Variants in CMC2 observed in about 807,000 individuals in gnomAD.
CMC2 encodes COX assembly mitochondrial protein 2 homolog.
Under a neutral mutation model 7.5 loss-of-function variants are expected in CMC2, and 5 were observed. The ratio of observed to expected loss-of-function variants is 0.66; its 90% CI spans 0.35 to 1.40. CMC2 has a LOEUF of 1.40. Ranked by LOEUF, CMC2 falls within the 40% of genes most tolerant of loss-of-function variation. The pLI is 0.04. For synonymous variants in CMC2, 37 were observed against 31.4 expected (o/e 1.18, Z -0.60); for missense variants, 115 against 92.3 (o/e 1.25, Z -1.01).
In CMC2 at chr16:80,982,461, A is replaced by G. The variant is rs1022422795; in HGVS notation, c.82-584T>C. 4 of 140,542 alleles carry G rather than the reference A, an allele frequency of 2.8e-5. No individual in the cohort carries two copies. In the Admixed American group the frequency reaches 3.1e-4, roughly 11 times the overall value. The allele number at this position is 140,542 out of a possible 1,614,324, so 8.7% of individuals were successfully genotyped here. On this transcript the variant is annotated intron_variant, in intron 2 of 3. Transcript: ENST00000219400. ...GAGGCGGAGGATGTAGTGAGTCGAG[A>G]TCGCGCCCCTGCACTACTCCAGCCT...
At chr16:81,002,234 G>A (rs1321882646) in intron 1 of CMC2, among the ~76,000 whole-genome samples, 13 of 152,034 alleles carry the variant, frequency 8.6e-5, no homozygotes, top group Admixed American at 8.5e-4. Flanking sequence ...AGACCAACCT[G>A]GCCAACATGC....
rs1489866568 is a variant in CMC2 at position 80,971,982 on chromosome 16, C to A, written c.*4111G>T. ...AAACTCAGCCACCTGTCTCTGCTCT[C>A]CCCTCCCTACTGTCAGTCTTGTTCT... On this transcript the variant is annotated 3_prime_UTR_variant, in exon 4 of 4. Transcript: ENST00000219400. 6.6e-6 allele frequency: 1 copy of A among 152,302 alleles called. No homozygotes were observed. The highest frequency in any genetic ancestry group is 6.5e-5 in the Admixed American group (1 of 15,290). The allele number at this position is 152,302 out of a possible 1,614,324, so 9.4% of individuals were successfully genotyped here.
chr16:80,978,419 A>T, intron 3 of CMC2: 2 of 1,250,296 alleles, frequency 1.6e-6, no homozygotes, highest in Non-Finnish European at 2.1e-6. Context: ...ATGGTCCCTG[A>T]ATAAAAGGGG....
At chr16:81,001,341 T>C (rs1161438676) in intron 1 of CMC2, 1 of 152,156 alleles carries the variant, frequency 6.6e-6, no homozygotes, top group East Asian at 1.9e-4. Flanking sequence ...AAATCTGAAA[T>C]AAAATTTGAA....
chr16:80,985,245 T>A (rs1967430829), intron 2 of CMC2, among the ~76,000 whole-genome samples: 1 of 152,166 alleles, frequency 6.6e-6, no homozygotes, highest in Non-Finnish European at 1.5e-5. Context: ...AAAACTATCT[T>A]CTCAATAATA....
intron 2 of CMC2, among the ~76,000 whole-genome samples, chr16:80,995,006 T>A (rs1968292532): frequency 6.6e-6 from 1 of 151,826 alleles, no homozygotes; most frequent in South Asian, 2.1e-4. Flanking sequence ...ATGAGCCAGG[T>A]GTGGTGACAC....
At chr16:80,982,152 C>T (rs1471517134) in intron 2 of CMC2, among the ~76,000 whole-genome samples, 2 of 151,984 alleles carry the variant, frequency 1.3e-5, no homozygotes, top group African/African-American at 4.8e-5. Flanking sequence ...AGATGAACTA[C>T]CATAGCCTAG....
intron 2 of CMC2, among the ~76,000 whole-genome samples, chr16:80,984,695 A>G (rs1024076793): frequency 2.4e-4 from 36 of 152,214 alleles, no homozygotes; most frequent in African/African-American, 8.7e-4. Context: ...TCATGCCTTC[A>G]AGTCAAGTAG....
At chr16:80,977,594 A>G (rs1431147579) in intron 3 of CMC2, among the ~76,000 whole-genome samples, 1 of 152,186 alleles carries the variant, frequency 6.6e-6, no homozygotes, top group Non-Finnish European at 1.5e-5. Context: ...CCGCCACCCA[A>G]GAGAGAGTAA....
chr16:80,976,119 TA>T lies in CMC2; in HGVS notation c.213del (p.Phe71LeufsTer28). The T allele has an allele frequency of 6.2e-7, 1 of 1,608,608 alleles. No individual in the cohort carries two copies. The highest frequency in any genetic ancestry group is 8.5e-7 in the Non-Finnish European group (1 of 1,175,298). Reference protein sequence around the residue: ...EHGIAMRKKLFNPPEESEK With the variant: ...EHGIAMRKKLXNPPEESEK ...TATTTTTCGGATTCCTCTGGAGGAT[TA>T]AAAAGTTTCTTTCGCATTGCAATGC... On this transcript the variant is annotated frameshift_variant, in exon 4 of 4. Coordinates refer to ENST00000219400, the MANE Select transcript of CMC2 (RefSeq NM_020188.5). LOFTEE classifies it high-confidence loss of function.
chr16:80,999,727 G>C (rs903501484), intron 1 of CMC2, among the ~76,000 whole-genome samples: 4 of 152,152 alleles, frequency 2.6e-5, no homozygotes, highest in Admixed American at 6.5e-5. Flanking sequence ...TGGACCAATG[G>C]AACATAACAG....
chr16:80,977,608 G>A (rs1355732015), intron 3 of CMC2, among the ~76,000 whole-genome samples: 4 of 152,140 alleles, frequency 2.6e-5, no homozygotes, highest in Admixed American at 6.5e-5. Context: ...AGAGTAATGA[G>A]GGGATTCATG....
At chr16:80,977,450 A>G (rs951783401) in intron 3 of CMC2, among the ~76,000 whole-genome samples, 3 of 152,212 alleles carry the variant, frequency 2.0e-5, no homozygotes, top group African/African-American at 7.2e-5. Flanking sequence ...GGAAAAGGGT[A>G]AAAGTAAATT....
intron 2 of CMC2, among the ~76,000 whole-genome samples, chr16:80,984,800 A>C (rs1967397856): frequency 6.6e-6 from 1 of 152,218 alleles, no homozygotes; most frequent in South Asian, 2.1e-4. Flanking sequence ...ACAAAAACTA[A>C]TTTATATGCT....
intron 2 of CMC2, chr16:80,982,232 G>A (rs888274547): frequency 3.7e-5 from 6 of 162,420 alleles, no homozygotes; most frequent in East Asian, 3.5e-4. Flanking sequence ...GGCCGGGCAC[G>A]GTAGCTCACA....
In CMC2 at chr16:80,971,561, AT is replaced by A. The variant is rs1016959235; in HGVS notation, c.*4531del. 4.1e-4 allele frequency: 35 copies of A among 86,000 alleles called. No homozygotes were observed. In the East Asian group the frequency reaches 0.01, roughly 25 times the overall value. The allele number at this position is 86,000 out of a possible 1,614,324, so 5.3% of individuals were successfully genotyped here. The stretch of plus-strand genomic sequence containing the variant: ...TGGCTATGGATACTGACATACATAC[AT>A]TTTATATATATATATATATATATGT... On this transcript the variant is annotated 3_prime_UTR_variant, in exon 4 of 4. Coordinates refer to ENST00000219400, the MANE Select transcript of CMC2 (RefSeq NM_020188.5).
chr16:80,967,126 C>G lies in CMC2; in HGVS notation c.*8967G>C, dbSNP rs944567528. On this transcript the variant is annotated 3_prime_UTR_variant, in exon 4 of 4. Coordinates refer to ENST00000219400, the MANE Select transcript of CMC2 (RefSeq NM_020188.5). ...ACCACTGTCCTAAGAGCTGCAGATACAGGAATAATGTGGTGTCTGCCCAGA... is the reference window on the plus strand; with the variant it reads ...ACCACTGTCCTAAGAGCTGCAGATAGAGGAATAATGTGGTGTCTGCCCAGA... The G allele has an allele frequency of 6.6e-6, 1 of 152,164 alleles. No individual in the cohort carries two copies. Among genetic ancestry groups the G allele is most frequent in the African/African-American group, 2.4e-5 (1 of 41,440 alleles). 9.4% of individuals were successfully genotyped at this position (152,164 alleles called of 1,614,324 possible).
chr16:81,005,078 G>A (rs571320575), intron 1 of CMC2, among the ~76,000 whole-genome samples: 1 of 152,240 alleles, frequency 6.6e-6, no homozygotes, highest in South Asian at 2.1e-4. Flanking sequence ...CTGTTGTGCA[G>A]AGTCTGAAGA....
chr16:81,005,553 C>A (rs1266029278), intron 1 of CMC2, among the ~76,000 whole-genome samples: 1 of 152,112 alleles, frequency 6.6e-6, no homozygotes, highest in Admixed American at 6.5e-5. Context: ...CAGACACGGT[C>A]GGGGACGGCC....
Sources: allele counts gnomAD v4.1 joint callset (sites outside exome capture counted in the v4.1 genomes callset), GRCh38; gene constraint gnomAD v4.1.1; transcripts MANE v1.5; gene names NCBI Gene and HGNC (gene_info 2026-07-23, HGNC 2026-07-21).